ADARB2: variants seen among roughly 807,000 people sequenced by gnomAD.
The protein encoded by ADARB2 is adenosine deaminase RNA specific B2 (inactive).
ADARB2 carries 25 observed loss-of-function variants against 62.2 expected under a neutral mutation model. That is an observed-to-expected ratio of 0.40 (90% confidence interval 0.29 to 0.56). ADARB2 has a LOEUF of 0.56. Ranked by LOEUF, ADARB2 falls within the 20% of genes least tolerant of loss-of-function variation. The pLI, the probability that ADARB2 is intolerant of heterozygous loss-of-function variation, is 0.43. For missense variants in ADARB2, 1,071 were observed against 1,077.4 expected, an observed-to-expected ratio of 0.99 and a Z score of 0.08; for synonymous variants, 572 against 500.8, an observed-to-expected ratio of 1.14 and a Z score of -1.90.
intron 1 of ADARB2, among the ~76,000 whole-genome samples, chr10:1,523,819 T>A (rs546005843): frequency 6.6e-6 from 1 of 152,328 alleles, no homozygotes; most frequent in Admixed American, 6.5e-5. Context: ...TAATCTGTCA[T>A]CCTTTTAATC....
At chr10:1,347,261 AGT>A (rs1408577080) in intron 3 of ADARB2, among the ~76,000 whole-genome samples, 1 of 152,196 alleles carries the variant, frequency 6.6e-6, no homozygotes, top group African/African-American at 2.4e-5. Context: ...ATAAAGTTGC[AGT>A]GAGTCGTGTC....
chr10:1,415,694 T>C (rs11818575), intron 1 of ADARB2, among the ~76,000 whole-genome samples: 99,770 of 152,124 alleles, frequency 0.66, 35,243 homozygotes, highest in Middle Eastern at 0.82. Flanking sequence ...TAGCTATTTA[T>C]TAAAATTAAA....
chr10:1,622,021 AG>A (rs1349879836), intron 1 of ADARB2, among the ~76,000 whole-genome samples: 33 of 152,360 alleles, frequency 2.2e-4, no homozygotes, highest in African/African-American at 7.7e-4. Flanking sequence ...AATTGAACAG[AG>A]TTGAGGGTTC....
chr10:1,375,796 GCACACA>G (rs60085061), intron 2 of ADARB2, among the ~76,000 whole-genome samples: 2 of 126,098 alleles, frequency 1.6e-5, no homozygotes, highest in African/African-American at 2.7e-5. Flanking sequence ...ATGCACACAC[GCACACA>G]CACACCACAC....
At chr10:1,308,221 C>T (rs552317221) in intron 3 of ADARB2, among the ~76,000 whole-genome samples, 28 of 152,324 alleles carry the variant, frequency 1.8e-4, no homozygotes, top group Admixed American at 1.6e-3. Context: ...TCCACTGTCT[C>T]CATGGTCTTG....
At chr10:1,683,000 G>T (rs1001785789) in intron 1 of ADARB2, among the ~76,000 whole-genome samples, 1 of 152,204 alleles carries the variant, frequency 6.6e-6, no homozygotes, top group African/African-American at 2.4e-5. Context: ...GAAGCACGTG[G>T]TTATCGAACG....
chr10:1,457,394 G>T (rs1484168394), intron 1 of ADARB2, among the ~76,000 whole-genome samples: 1 of 152,086 alleles, frequency 6.6e-6, no homozygotes, highest in Non-Finnish European at 1.5e-5. Context: ...TCATCTCAGG[G>T]TCTTTGTCTT....
intron 3 of ADARB2, among the ~76,000 whole-genome samples, chr10:1,276,816 C>T (rs1284558966): frequency 1.3e-5 from 2 of 152,218 alleles, no homozygotes; most frequent in African/African-American, 2.4e-5. Context: ...CTTCTCAGCA[C>T]CACACCGCAC....
At chr10:1,198,479 A>G (rs1039611625) in intron 8 of ADARB2, among the ~76,000 whole-genome samples, 7 of 152,246 alleles carry the variant, frequency 4.6e-5, no homozygotes, top group African/African-American at 1.2e-4. Flanking sequence ...CATCAGGAAC[A>G]ATGCAGGGAC....
chr10:1,400,770 C>T (rs185252616), intron 1 of ADARB2, among the ~76,000 whole-genome samples: 22 of 152,320 alleles, frequency 1.4e-4, no homozygotes, highest in East Asian at 3.9e-4. Flanking sequence ...TGTTCTTCTG[C>T]GTTCCACACG....
At chr10:1,265,236 GTCAA>G (rs1306730638) in intron 4 of ADARB2, among the ~76,000 whole-genome samples, 11 of 152,252 alleles carry the variant, frequency 7.2e-5, no homozygotes, top group African/African-American at 2.4e-4. Context: ...TCGGGGTTAT[GTCAA>G]TCAAACTGAT....
intron 1 of ADARB2, among the ~76,000 whole-genome samples, chr10:1,456,904 C>T (rs780577787): frequency 2.0e-4 from 30 of 152,130 alleles, no homozygotes; most frequent in Non-Finnish European, 3.4e-4. Flanking sequence ...AAGCGATTCT[C>T]CTGCCTCAAC....
chr10:1,552,485 A>C (rs1416955171), intron 1 of ADARB2, among the ~76,000 whole-genome samples: 1 of 152,236 alleles, frequency 6.6e-6, no homozygotes, highest in Non-Finnish European at 1.5e-5. Context: ...GTGGCTCCAG[A>C]GAACATGGGC....
At chr10:1,719,436 A>G (rs189834505) in intron 1 of ADARB2, among the ~76,000 whole-genome samples, 49 of 152,356 alleles carry the variant, frequency 3.2e-4, no homozygotes, top group Non-Finnish European at 1.5e-5. Flanking sequence ...TGAATATATG[A>G]TATCTATAGA....
chr10:1,579,777 G>T (rs564354950), intron 1 of ADARB2, among the ~76,000 whole-genome samples: 43 of 152,284 alleles, frequency 2.8e-4, no homozygotes, highest in Non-Finnish European at 5.6e-4. Context: ...GTTACCGCTG[G>T]TGACTTCTCA....
Position 1,516,266 on chromosome 10 carries a change from G to A in ADARB2, c.101-137106C>T, listed in dbSNP as rs186762610. ...CCACCTTCCCTCCATCCTGACCCGA[G>A]GCCCTCTCCTTTCCCAGGACAATGG... On this transcript the variant is annotated intron_variant, in intron 1 of 9. Coordinates refer to ENST00000381312, the MANE Select transcript of ADARB2 (RefSeq NM_018702.4). Among the ~76,000 whole-genome samples, 16 of 152,264 alleles carry A rather than the reference G, an allele frequency of 1.1e-4. No individual in the cohort carries two copies. The East Asian group carries it at 3.1e-3, about 29-fold the overall frequency.
At chr10:1,655,253 G>T (rs7918604) in intron 1 of ADARB2, among the ~76,000 whole-genome samples, 35,423 of 152,164 alleles carry the variant, frequency 0.23, 4,197 homozygotes, top group East Asian at 0.32. Flanking sequence ...AACAGAGGGG[G>T]TGTTGATAAT....
intron 1 of ADARB2, among the ~76,000 whole-genome samples, chr10:1,486,123 G>A (rs1025454226): frequency 1.1e-4 from 17 of 151,886 alleles, no homozygotes; most frequent in Non-Finnish European, 1.5e-5. Context: ...TTTGTGGTTG[G>A]GCCAATTATC....
chr10:1,555,435 C>T lies in ADARB2; in HGVS notation c.101-176275G>A, dbSNP rs1180413275. Among the ~76,000 whole-genome samples the T allele has an allele frequency of 3.3e-5, 5 of 152,286 alleles. No homozygotes were observed. The East Asian group carries it at 7.7e-4, about 24-fold the overall frequency. ...TATATCTTAAATACAATTTGAAGCT[C>T]AATCATCCTTCGTAAGAGAAGTGGG... On this transcript the variant is annotated intron_variant, in intron 1 of 9. Transcript: ENST00000381312.
Sources: gnomAD v4.1 joint callset for allele counts (sites outside exome capture counted in the v4.1 genomes callset) on GRCh38, gnomAD v4.1.1 for gene constraint, MANE v1.5 for transcripts, NCBI Gene and HGNC (gene_info 2026-07-23, HGNC 2026-07-21) for gene names.